Variants in IKBKG observed in about 807,000 individuals in gnomAD.
The protein encoded by IKBKG is inhibitor of nuclear factor kappa B kinase regulatory subunit gamma, also known as NF-kappa-B essential modulator.
Under a neutral mutation model 13.7 loss-of-function variants are expected in IKBKG, and 2 were observed. That is an observed-to-expected ratio of 0.15 (90% CI 0.06 to 0.46). The LOEUF (loss-of-function observed/expected upper bound fraction) is 0.46, where lower values mean the gene tolerates loss of function less well. Ranked by LOEUF, IKBKG falls within the 20% of genes least tolerant of loss-of-function variation. IKBKG has a pLI of 0.98. For synonymous variants in IKBKG, 22 were observed against 64.4 expected, an observed-to-expected ratio of 0.34 and a Z score of 3.15; for missense variants, 53 against 150.3, an observed-to-expected ratio of 0.35 and a Z score of 3.39.
At chrX:154,549,258 G>A (rs1215671355) in intron 1 of IKBKG, among the ~76,000 whole-genome samples, 2 of 110,040 alleles carry the variant, frequency 1.8e-5, no homozygotes, top group African/African-American at 6.6e-5. Context: ...TGGGATTACA[G>A]GCATGAGCCA....
intron 7 of IKBKG, 27 bp downstream of exon 7, chrX:154,562,980 C>CT: frequency 1.5e-6 from 1 of 672,057 alleles, no homozygotes; most frequent in East Asian, 3.4e-5. Context: ...CTGACCCACC[C>CT]TGGCACTGGG....
intron 1 of IKBKG, among the ~76,000 whole-genome samples, chrX:154,549,956 ACT>A (rs1452983134): frequency 1.8e-5 from 2 of 110,897 alleles, no homozygotes; most frequent in African/African-American, 3.3e-5. Context: ...GGTTGTTTCC[ACT>A]CTCTGGCTGC....
chrX:154,553,768 C>T (rs1366172281), intron 2 of IKBKG, among the ~76,000 whole-genome samples: 1 of 112,734 alleles, frequency 8.9e-6, no homozygotes, highest in Non-Finnish European at 1.9e-5. Flanking sequence ...TGCCAAATGA[C>T]CCCTGGGGGA....
chrX:154,548,940 T>C (rs782034310), intron 1 of IKBKG, among the ~76,000 whole-genome samples: 1 of 110,601 alleles, frequency 9.0e-6, no homozygotes, highest in Non-Finnish European at 1.9e-5. Context: ...ATTTTGTTTA[T>C]ATCCCTCGCA....
chrX:154,553,550 G>A (rs1287498659), intron 2 of IKBKG, among the ~76,000 whole-genome samples: 1 of 112,453 alleles, frequency 8.9e-6, no homozygotes, highest in Non-Finnish European at 1.9e-5. Flanking sequence ...CGGTGAGGCT[G>A]AATTGGAGAG....
Position 154,552,011 on chromosome X carries a change from G to C in IKBKG, c.9G>C (p.Arg3Ser), listed in dbSNP as rs781827676. The change falls in exon 2 of 10, where the codon AGG becomes AGC. Residue 3 changes from arginine to serine, a missense_variant. Physicochemically the swap from Arg to Ser is moderately radical, Grantham distance 110. Coordinates refer to ENST00000594239, the MANE Select transcript of IKBKG (RefSeq NM_001099857.5). MN[R>S]HLWKSQLCEM... is the part of the protein sequence containing the mutation. ...AGCCCTTGCCCTGTTGGATGAATAG[G>C]CACCTCTGGAAGAGCCAACTGTGTG... The C allele has an allele frequency of 5.5e-6, 6 of 1,088,057 alleles. No individual in the cohort carries two copies. The highest frequency in any genetic ancestry group is 5.4e-5 in the South Asian group (2 of 36,976). 89.7% of individuals were successfully genotyped at this position (1,088,057 alleles called of 1,213,427 possible). A position where few individuals can be genotyped will look rare whatever the true frequency, so the allele number is the denominator to read the frequency against.
chrX:154,552,897 C>T (rs1557235407), intron 2 of IKBKG, among the ~76,000 whole-genome samples: 7 of 112,219 alleles, frequency 6.2e-5, no homozygotes, highest in Non-Finnish European at 1.3e-4. Context: ...GGCGTGATGG[C>T]ACCCCCAGCC....
intron 2 of IKBKG, among the ~76,000 whole-genome samples, chrX:154,554,818 G>A (rs782516257): frequency 8.0e-5 from 9 of 111,950 alleles, no homozygotes; most frequent in Non-Finnish European, 1.5e-4. Context: ...TTCTGATGGG[G>A]GGTGGATGTT....
upstream of IKBKG, chrX:154,546,794 C>A: frequency 1.7e-6 from 2 of 1,162,583 alleles, no homozygotes; most frequent in Non-Finnish European, 2.3e-6. Context: ...GTTACCTGCG[C>A]TTCGTCGTCG....
intron 1 of IKBKG, 43 bp from the exon 2 acceptor site, chrX:154,551,945 G>T (rs1032761701): frequency 1.0e-6 from 1 of 973,219 alleles, no homozygotes. Flanking sequence ...GCTGGGTAAG[G>T]ATGTGGGTCT....
chrX:154,544,317 A>C (rs2070624255), upstream of IKBKG, among the ~76,000 whole-genome samples: 1 of 109,223 alleles, frequency 9.2e-6, no homozygotes, highest in Admixed American at 9.8e-5. Flanking sequence ...ACGCACCACC[A>C]CGCCCAGCTA....
chrX:154,545,837 A>C (rs1465197762), upstream of IKBKG: 5 of 96,077 alleles, frequency 5.2e-5, no homozygotes, highest in Admixed American at 4.6e-4. Context: ...CTCCGTCTCC[A>C]AAAAAAAAAA....
At chrX:154,549,388 C>G (rs1278173444) in intron 1 of IKBKG, among the ~76,000 whole-genome samples, 1 of 111,062 alleles carries the variant, frequency 9.0e-6, no homozygotes, top group Non-Finnish European at 1.9e-5. Context: ...TCTCCTGCCT[C>G]AGCTTCCCAA....
chrX:154,550,553 A>G (rs1466411635), intron 1 of IKBKG, among the ~76,000 whole-genome samples: 2 of 108,890 alleles, frequency 1.8e-5, no homozygotes. Context: ...GAAGTTACAG[A>G]GAAGAAGATG....
At chrX:154,555,945 A>C (rs1174792204) in intron 2 of IKBKG, among the ~76,000 whole-genome samples, 1 of 113,115 alleles carries the variant, frequency 8.8e-6, no homozygotes, top group Non-Finnish European at 1.9e-5. Context: ...GAGGGGCATT[A>C]GTGTAAAGGA....
upstream of IKBKG, chrX:154,547,358 C>G (rs987909156): frequency 1.1e-4 from 83 of 754,321 alleles, no homozygotes; most frequent in Non-Finnish European, 1.3e-4. Flanking sequence ...ATTCCTCCCC[C>G]GGAGAGGGCG....
At chrX:154,546,888 G>A (rs782032487), upstream of IKBKG, 7 of 1,020,552 alleles carry the variant, frequency 6.9e-6, no homozygotes, top group Middle Eastern at 3.5e-4. Flanking sequence ...GCGGGGGCGG[G>A]GGCGGGCGCC....
Position 154,551,979 on chromosome X carries a change from C to T in IKBKG, c.-15-9C>T, listed in dbSNP as rs781926607. On this transcript the variant is annotated splice_polypyrimidine_tract_variant and intron_variant, in intron 1 of 9. Coordinates refer to ENST00000594239, the MANE Select transcript of IKBKG (RefSeq NM_001099857.5). ...CTCCTGTGACTCCCCTGCTGCCTTT[C>T]TCTTTCAGCCCTTGCCCTGTTGGAT... is the stretch of plus-strand genomic sequence containing the variant. The T allele has an allele frequency of 9.5e-7, 1 of 1,047,314 alleles. No homozygotes were observed. The highest frequency in any genetic ancestry group is 1.2e-6 in the Non-Finnish European group (1 of 806,491). 86.3% of individuals were successfully genotyped at this position (1,047,314 alleles called of 1,213,427 possible). A position where few individuals can be genotyped will look rare whatever the true frequency, so the allele number is the denominator to read the frequency against.
At chrX:154,547,396 G>A, upstream of IKBKG, 3 of 755,075 alleles carry the variant, frequency 4.0e-6, no homozygotes, top group Non-Finnish European at 4.7e-6. Context: ...GAGGCTAGAC[G>A]CCGCCGTCCG....
Sources: gnomAD v4.1 joint callset for allele counts (sites outside exome capture counted in the v4.1 genomes callset) on GRCh38, gnomAD v4.1.1 for gene constraint, MANE v1.5 for transcripts, NCBI Gene and HGNC (gene_info 2026-07-23, HGNC 2026-07-21) for gene names.